BCKDHB: variants seen among roughly 807,000 people sequenced by gnomAD.
The protein encoded by BCKDHB is branched chain keto acid dehydrogenase E1 subunit beta.
In BCKDHB, 41 loss-of-function variants were observed where a neutral mutation model predicts 48.5. That is an observed-to-expected ratio of 0.85 (90% CI 0.66 to 1.10). The LOEUF is 1.10. Ranked by LOEUF, BCKDHB falls within the 50% of genes least tolerant of loss-of-function variation. BCKDHB has a pLI of 0.00. For missense variants in BCKDHB, 496 were observed against 494.2 expected (o/e 1.00, Z -0.03); for synonymous variants, 201 against 174.8 (o/e 1.15, Z -1.18).
chr6:80,199,771 CAAAAAAAAAAA>C (rs35186066), intron 6 of BCKDHB, among the ~76,000 whole-genome samples: 2 of 35,742 alleles, frequency 5.6e-5, no homozygotes, highest in Non-Finnish European at 9.5e-5. Flanking sequence ...GACTCTGTCT[CAAAAAAAAAAA>C]AAAAAAAAAA....
chr6:80,344,843 A>G lies in BCKDHB; in HGVS notation c.*1039A>G, dbSNP rs1404821780. On this transcript the variant is annotated 3_prime_UTR_variant, in exon 10 of 10. Coordinates refer to ENST00000320393, the MANE Select transcript of BCKDHB (RefSeq NM_183050.4). ...ATAGGCGTACTTTCTGTATTTAAAA[A>G]TGGCCCCTCAAGCACCGTTAATTTA... The G allele has an allele frequency of 6.6e-6, 1 of 152,214 alleles. No homozygotes were observed. The allele number at this position is 152,214 out of a possible 1,614,324, so 9.4% of individuals were successfully genotyped here. A position where few individuals can be genotyped will look rare whatever the true frequency, so the allele number is the denominator to read the frequency against.
chr6:80,298,930 A>G (rs1767406507), intron 9 of BCKDHB, among the ~76,000 whole-genome samples: 1 of 152,276 alleles, frequency 6.6e-6, no homozygotes, highest in African/African-American at 2.4e-5. Context: ...AAAGCGCCCC[A>G]TGTCCTATGG....
At chr6:80,301,164 G>C (rs1037359035) in intron 9 of BCKDHB, among the ~76,000 whole-genome samples, 7 of 151,894 alleles carry the variant, frequency 4.6e-5, no homozygotes, top group African/African-American at 1.7e-4. Flanking sequence ...CCTAAAGCTA[G>C]CAGAGGAAAA....
At chr6:80,130,664 T>G (rs897980732) in intron 3 of BCKDHB, among the ~76,000 whole-genome samples, 6 of 152,202 alleles carry the variant, frequency 3.9e-5, no homozygotes, top group Admixed American at 2.0e-4. Flanking sequence ...TCAAAAGTAA[T>G]GCATATACAT....
chr6:80,107,511 G>T (rs1371545733), intron 1 of BCKDHB, among the ~76,000 whole-genome samples: 1 of 36,232 alleles, frequency 2.8e-5, no homozygotes, highest in Non-Finnish European at 4.8e-5. Flanking sequence ...ATATATATGT[G>T]CGCATATATA....
chr6:80,241,181 C>T (rs772370435), intron 8 of BCKDHB, among the ~76,000 whole-genome samples: 3 of 152,070 alleles, frequency 2.0e-5, no homozygotes, highest in Non-Finnish European at 4.4e-5. Flanking sequence ...AGCTTCCTTG[C>T]GATGGATTCG....
At chr6:80,348,904 C>G (rs1210081434), downstream of BCKDHB, among the ~76,000 whole-genome samples, 1 of 152,040 alleles carries the variant, frequency 6.6e-6, no homozygotes, top group East Asian at 1.9e-4. Flanking sequence ...TCTGAATATA[C>G]TAATTAGAGA....
chr6:80,378,407 T>A, the BCKDHB span, among the ~76,000 whole-genome samples: 10 of 152,088 alleles, frequency 6.6e-5, no homozygotes, highest in Non-Finnish European at 1.5e-4. Flanking sequence ...TGCAAAGACA[T>A]GATTTTATTC....
At chr6:80,119,157 G>A (rs987748578) in intron 1 of BCKDHB, among the ~76,000 whole-genome samples, 3 of 152,118 alleles carry the variant, frequency 2.0e-5, no homozygotes, top group African/African-American at 7.2e-5. Flanking sequence ...AGGCATGCTA[G>A]CGCATGCCTG....
At chr6:80,258,376 C>G (rs1225855694) in intron 8 of BCKDHB, among the ~76,000 whole-genome samples, 1 of 152,196 alleles carries the variant, frequency 6.6e-6, no homozygotes, top group Non-Finnish European at 1.5e-5. Context: ...GGTTGAGACA[C>G]TCCCCTTTCT....
At chr6:80,326,035 TTTAG>T (rs1769015630) in intron 9 of BCKDHB, among the ~76,000 whole-genome samples, 1 of 152,196 alleles carries the variant, frequency 6.6e-6, no homozygotes, top group Non-Finnish European at 1.5e-5. Flanking sequence ...CAGGTTGGGC[TTTAG>T]TTAATGTGTC....
chr6:80,466,430 ACACCTTGCC>A, the BCKDHB span, among the ~76,000 whole-genome samples: 1 of 152,200 alleles, frequency 6.6e-6, no homozygotes, highest in Admixed American at 6.5e-5. Flanking sequence ...GTAAATGCTG[ACACCTTGCC>A]TATAGTTAAT....
intron 8 of BCKDHB, among the ~76,000 whole-genome samples, chr6:80,221,535 T>G (rs1483496026): frequency 6.6e-6 from 1 of 152,198 alleles, no homozygotes; most frequent in Non-Finnish European, 1.5e-5. Context: ...AATAGTTTCT[T>G]TATTGGTTTT....
the BCKDHB span, among the ~76,000 whole-genome samples, chr6:80,366,289 G>A: frequency 1.4e-4 from 22 of 152,244 alleles, no homozygotes; most frequent in East Asian, 2.5e-3. Context: ...AGCCAGATGC[G>A]TATCATGGGA....
At chr6:80,302,452 G>T (rs973101594) in intron 9 of BCKDHB, among the ~76,000 whole-genome samples, 1 of 151,894 alleles carries the variant, frequency 6.6e-6, no homozygotes. Flanking sequence ...CTTTCCTTTT[G>T]CAAAAGGCTT....
intron 9 of BCKDHB, among the ~76,000 whole-genome samples, chr6:80,310,690 A>C (rs541814607): frequency 1.3e-4 from 20 of 152,266 alleles, no homozygotes; most frequent in African/African-American, 4.6e-4. Context: ...CATCTTCCAC[A>C]GTGGTTGAAT....
At chr6:80,414,352 C>G in the BCKDHB span, among the ~76,000 whole-genome samples, 1 of 151,934 alleles carries the variant, frequency 6.6e-6, no homozygotes, top group African/African-American at 2.4e-5. Context: ...TTGAAATCTT[C>G]AGGAAATATT....
At chr6:80,297,450 C>T (rs755908235) in intron 9 of BCKDHB, among the ~76,000 whole-genome samples, 13 of 152,204 alleles carry the variant, frequency 8.5e-5, no homozygotes, top group South Asian at 2.1e-4. Context: ...ATATAAACAT[C>T]GCACACACAC....
At chr6:80,143,684 A>G (rs752127964) in intron 3 of BCKDHB, among the ~76,000 whole-genome samples, 3 of 152,136 alleles carry the variant, frequency 2.0e-5, no homozygotes, top group Non-Finnish European at 4.4e-5. Flanking sequence ...TTGTTGGACA[A>G]AAAGTTTTCA....
Sources: allele counts gnomAD v4.1 joint callset (sites outside exome capture counted in the v4.1 genomes callset), GRCh38; gene constraint gnomAD v4.1.1; transcripts MANE v1.5; gene names NCBI Gene and HGNC (gene_info 2026-07-23, HGNC 2026-07-21).